BCCIP: variants seen among roughly 807,000 people sequenced by gnomAD.
The protein encoded by BCCIP is BRCA2 and CDKN1A interacting protein, also known as BRCA2 and CDKN1A-interacting protein.
Under a neutral mutation model 32.8 loss-of-function variants are expected in BCCIP, and 23 were observed. The ratio of observed to expected loss-of-function variants is 0.70; its 90% CI spans 0.51 to 0.99. The LOEUF is 0.99. Among genes scored for constraint, BCCIP ranks in the 50% least tolerant of loss-of-function variants. The pLI, the probability that BCCIP is intolerant of heterozygous loss-of-function variation, is 0.00. For synonymous variants in BCCIP, 144 were observed against 137.6 expected (o/e 1.05, Z -0.33); for missense variants, 378 against 379.8 (o/e 1.00, Z 0.04).
downstream of BCCIP, among the ~76,000 whole-genome samples, chr10:125,846,817 G>C (rs1468502286): frequency 6.6e-6 from 1 of 152,130 alleles, no homozygotes; most frequent in African/African-American, 2.4e-5. Flanking sequence ...GGGCGTTTTC[G>C]ACTTTAGACC....
intron 1 of BCCIP, among the ~76,000 whole-genome samples, chr10:125,825,341 A>T (rs1406159454): frequency 6.6e-6 from 1 of 152,226 alleles, no homozygotes; most frequent in South Asian, 2.1e-4. Flanking sequence ...GTCTGTCTAG[A>T]CAAAGAAAAA....
In BCCIP at chr10:125,823,553, G is replaced by C. The variant is rs759735985; in HGVS notation, c.-5G>C. 4 of 1,613,310 alleles carry C rather than the reference G, an allele frequency of 2.5e-6. No individual in the cohort carries two copies. In the South Asian group the frequency reaches 3.3e-5, roughly 13 times the overall value. The stretch of plus-strand genomic sequence containing the variant: ...AAGCTGCGCAGGCGCAGTGTGAGCG[G>C]CAACATGGCGTCCAGGTCTAAGCGG... On this transcript the variant is annotated 5_prime_UTR_variant, in exon 1 of 7. Transcript: ENST00000278100.
At chr10:125,831,318 C>A (rs1590053657) in intron 4 of BCCIP, 102 bp from the exon 5 acceptor site, 1 of 1,153,604 alleles carries the variant, frequency 8.7e-7, no homozygotes, top group Non-Finnish European at 1.2e-6. Context: ...TGGCAGGAAA[C>A]TGCCCTTAGC....
intron 5 of BCCIP, among the ~76,000 whole-genome samples, chr10:125,833,137 G>GAAAAAAAA (rs1161862135): frequency 1.8e-5 from 2 of 111,702 alleles, no homozygotes; most frequent in Non-Finnish European, 1.9e-5. Flanking sequence ...ACGAAAAAAA[G>GAAAAAAAA]AAAAAAAAAA....
chr10:125,841,018 A>G (rs1210027307), downstream of BCCIP: 3 of 1,585,994 alleles, frequency 1.9e-6, no homozygotes, highest in Admixed American at 1.7e-5. Flanking sequence ...AAAAGGTCAC[A>G]TGGTTAGCAA....
chr10:125,841,595 A>T, exon 7 of BCCIP: 1 of 1,447,842 alleles, frequency 6.9e-7, no homozygotes, highest in Non-Finnish European at 9.0e-7. Flanking sequence ...AACCTATTAA[A>T]ATACCTCACT....
At chr10:125,844,328 T>C (rs934893254), downstream of BCCIP, among the ~76,000 whole-genome samples, 3 of 152,272 alleles carry the variant, frequency 2.0e-5, no homozygotes, top group Non-Finnish European at 2.9e-5. Context: ...TGCTGCATTA[T>C]AAGTTACAGG....
intron 6 of BCCIP, among the ~76,000 whole-genome samples, chr10:125,835,318 T>C (rs4424590): frequency 0.069 from 10,369 of 150,894 alleles, 430 homozygotes; most frequent in Middle Eastern, 0.12. Flanking sequence ...CGGTGGCTCA[T>C]GCCTGTAATC....
chr10:125,846,128 A>C (rs1944014798), downstream of BCCIP, among the ~76,000 whole-genome samples: 1 of 152,194 alleles, frequency 6.6e-6, no homozygotes, highest in South Asian at 2.1e-4. Flanking sequence ...CTCAAGCGTA[A>C]GGGCATTGGG....
At chr10:125,845,029 T>C (rs1489005258), downstream of BCCIP, among the ~76,000 whole-genome samples, 2 of 152,212 alleles carry the variant, frequency 1.3e-5, no homozygotes, top group African/African-American at 4.8e-5. Flanking sequence ...TTTTCCTTCC[T>C]TGGCATCAGT....
intron 7 of BCCIP, among the ~76,000 whole-genome samples, chr10:125,849,481 C>A (rs1944063380): frequency 6.6e-6 from 1 of 152,218 alleles, no homozygotes; most frequent in Admixed American, 6.5e-5. Flanking sequence ...CTTTTTCACA[C>A]CCCCTCATCT....
At chr10:125,834,958 C>A (rs1007519419) in intron 6 of BCCIP, among the ~76,000 whole-genome samples, 2 of 150,948 alleles carry the variant, frequency 1.3e-5, no homozygotes, top group East Asian at 2.0e-4. Flanking sequence ...TGGTGAAACC[C>A]CGTCTCTACT....
chr10:125,852,722 G>T, intron 7 of BCCIP: 2 of 1,278,002 alleles, frequency 1.6e-6, no homozygotes, highest in Non-Finnish European at 2.2e-6. Context: ...AGAATATGCT[G>T]CGCAGTACTT....
chr10:125,836,613 G>C, downstream of BCCIP: 1 of 1,537,946 alleles, frequency 6.5e-7, no homozygotes, highest in Non-Finnish European at 8.8e-7. Context: ...TTCGCGTCAT[G>C]TATCTCCCAT....
downstream of BCCIP, among the ~76,000 whole-genome samples, chr10:125,846,150 A>G (rs1330839969): frequency 6.6e-6 from 1 of 152,202 alleles, no homozygotes; most frequent in Non-Finnish European, 1.5e-5. Flanking sequence ...AAGTTCTGCC[A>G]CTTCACAAAT....
chr10:125,840,307 T>C (rs1428509034), downstream of BCCIP, among the ~76,000 whole-genome samples: 1 of 152,204 alleles, frequency 6.6e-6, no homozygotes, highest in Non-Finnish European at 1.5e-5. Context: ...TGGCTTTGCT[T>C]TGACATGCGC....
chr10:125,847,925 C>T (rs1944043456), intron 7 of BCCIP, among the ~76,000 whole-genome samples: 1 of 152,174 alleles, frequency 6.6e-6, no homozygotes. Context: ...GGCAGTAATG[C>T]TCGCTTGCCC....
chr10:125,835,973 G>A (rs1275770307), intron 6 of BCCIP, 131 bp from the exon 7 acceptor site: 3 of 794,358 alleles, frequency 3.8e-6, no homozygotes, highest in Non-Finnish European at 4.0e-6. Context: ...TTTCAATTCT[G>A]AGTTTTGCTT....
chr10:125,827,985 A>G (rs1446658319), intron 3 of BCCIP, among the ~76,000 whole-genome samples: 1 of 151,848 alleles, frequency 6.6e-6, no homozygotes, highest in East Asian at 1.9e-4. Context: ...AAAAAAAAAA[A>G]AAAAAAAGTT....
Sources: gnomAD v4.1 joint callset for allele counts (sites outside exome capture counted in the v4.1 genomes callset) on GRCh38, gnomAD v4.1.1 for gene constraint, MANE v1.5 for transcripts, NCBI Gene and HGNC (gene_info 2026-07-23, HGNC 2026-07-21) for gene names.